The following ARHGAP32 variants were observed in gnomAD, a reference collection of about 807,000 sequenced individuals.
ARHGAP32 encodes Rho GTPase activating protein 32.
Under a neutral mutation model 186.5 loss-of-function variants are expected in ARHGAP32, and 51 were observed. The ratio of observed to expected loss-of-function variants is 0.27; its 90% CI spans 0.22 to 0.35. ARHGAP32 has a LOEUF of 0.35. Ranked by LOEUF, ARHGAP32 falls within the 10% of genes least tolerant of loss-of-function variation. The pLI is 1.00. For synonymous variants in ARHGAP32, 950 were observed against 964.3 expected, an observed-to-expected ratio of 0.99 and a Z score of 0.27; for missense variants, 2,186 against 2,623.5, an observed-to-expected ratio of 0.83 and a Z score of 3.64.
intron 5 of ARHGAP32, among the ~76,000 whole-genome samples, chr11:129,122,617 A>G (rs961334950): frequency 1.3e-5 from 2 of 152,124 alleles, no homozygotes; most frequent in Non-Finnish European, 2.9e-5. Flanking sequence ...TGAAATAGAA[A>G]TGTCCTTCAC....
At chr11:129,195,048 CA>C (rs1479578304), upstream of ARHGAP32, among the ~76,000 whole-genome samples, 9 of 151,848 alleles carry the variant, frequency 5.9e-5, no homozygotes, top group African/African-American at 2.2e-4. Flanking sequence ...CGACTCACTG[CA>C]ACCTCCACCT....
At chr11:129,064,762 T>C in intron 8 of ARHGAP32, 79 bp downstream of exon 8, 3 of 1,138,448 alleles carry the variant, frequency 2.6e-6, no homozygotes, top group Non-Finnish European at 3.8e-6. Context: ...TCAATAGACA[T>C]CAAAATTATG....
In ARHGAP32 at chr11:129,208,001, G is replaced by C. The variant is rs544179914; in HGVS notation, c.-4-43574C>G. ...CTCCCACACAATCCACTAAGAAGAA[G>C]GGCATTACCTGCACACAACTGAACA... On this transcript the variant is annotated intron_variant, in intron 1 of 6. Coordinates refer to the ARHGAP32 transcript ENST00000525234. 7.9e-5 allele frequency among the ~76,000 whole-genome samples: 12 copies of C among 152,154 alleles called. 2 individuals are homozygous for C. The South Asian group carries it at 2.3e-3, about 29-fold the overall frequency.
intron 12 of ARHGAP32, among the ~76,000 whole-genome samples, chr11:128,989,981 A>T (rs1486472667): frequency 6.6e-6 from 1 of 152,144 alleles, no homozygotes; most frequent in Non-Finnish European, 1.5e-5. Context: ...GACTACTGCA[A>T]TATACTGCCT....
intron 5 of ARHGAP32, among the ~76,000 whole-genome samples, chr11:129,096,504 G>A (rs1941732246): frequency 6.6e-6 from 1 of 152,064 alleles, no homozygotes; most frequent in South Asian, 2.1e-4. Flanking sequence ...ACTTAAGAAA[G>A]TAACAGCTCC....
At chr11:129,172,781 G>A (rs1051102452) in intron 1 of ARHGAP32, among the ~76,000 whole-genome samples, 2 of 152,030 alleles carry the variant, frequency 1.3e-5, no homozygotes, top group African/African-American at 4.8e-5. Context: ...AGAATCTCTG[G>A]GACACAGCTA....
At chr11:129,238,756 A>AACACACACACACACACAC (rs71057936) in intron 1 of ARHGAP32, among the ~76,000 whole-genome samples, 227 of 148,382 alleles carry the variant, frequency 1.5e-3, no homozygotes, top group African/African-American at 5.2e-3. Context: ...ACTTATTTTA[A>AACACACACACACACACAC]ACACACACAC....
intron 11 of ARHGAP32, among the ~76,000 whole-genome samples, chr11:129,037,526 C>A (rs1402312253): frequency 4.0e-5 from 6 of 151,820 alleles, no homozygotes; most frequent in Non-Finnish European, 7.4e-5. Context: ...AAAAGAATAT[C>A]TAAATAAATG....
At chr11:129,005,275 ACTT>A (rs1409381302) in intron 11 of ARHGAP32, among the ~76,000 whole-genome samples, 2 of 152,146 alleles carry the variant, frequency 1.3e-5, no homozygotes, top group African/African-American at 4.8e-5. Flanking sequence ...TTAGTCTTCT[ACTT>A]AAGAGCAGTT....
chr11:129,105,251 AGT>A (rs1942016493), intron 5 of ARHGAP32, among the ~76,000 whole-genome samples: 1 of 152,212 alleles, frequency 6.6e-6, no homozygotes, highest in Non-Finnish European at 1.5e-5. Context: ...AGCATTCAAA[AGT>A]GCCTGGGTAT....
intron 1 of ARHGAP32, among the ~76,000 whole-genome samples, chr11:129,206,236 T>C (rs1195055033): frequency 6.6e-6 from 1 of 152,024 alleles, no homozygotes; most frequent in African/African-American, 2.4e-5. Flanking sequence ...TACTGAAACA[T>C]GGTCTCACTC....
intron 6 of ARHGAP32, among the ~76,000 whole-genome samples, chr11:129,079,250 C>A (rs1941148820): frequency 1.3e-5 from 2 of 152,126 alleles, no homozygotes; most frequent in African/African-American, 4.8e-5. Context: ...CAAACATAAG[C>A]TCAAAGAACA....
chr11:129,165,404 G>A (rs1262758629), intron 1 of ARHGAP32, among the ~76,000 whole-genome samples: 1 of 151,734 alleles, frequency 6.6e-6, no homozygotes, highest in Non-Finnish European at 1.5e-5. Context: ...AAAAAGCCAT[G>A]CCTTAAGAGT....
intron 1 of ARHGAP32, among the ~76,000 whole-genome samples, chr11:129,214,263 A>G (rs1156579646): frequency 6.6e-6 from 1 of 152,230 alleles, no homozygotes; most frequent in Admixed American, 6.5e-5. Context: ...ACTTCAGTTA[A>G]CAATAATATA....
chr11:129,111,091 G>A (rs1390684786), intron 5 of ARHGAP32, among the ~76,000 whole-genome samples: 6 of 152,114 alleles, frequency 3.9e-5, no homozygotes, highest in Admixed American at 6.6e-5. Flanking sequence ...TTATGTTGAA[G>A]TATGTTCCTT....
chr11:129,206,784 T>C (rs1944520149), intron 1 of ARHGAP32, among the ~76,000 whole-genome samples: 1 of 151,988 alleles, frequency 6.6e-6, no homozygotes, highest in Non-Finnish European at 1.5e-5. Flanking sequence ...CTTTAAGTTC[T>C]GGGGTACATG....
At chr11:129,090,393 A>C (rs1941540433) in intron 6 of ARHGAP32, among the ~76,000 whole-genome samples, 1 of 152,216 alleles carries the variant, frequency 6.6e-6, no homozygotes, top group South Asian at 2.1e-4. Context: ...ATTACTGTAT[A>C]TATTTATAAA....
At chr11:129,239,952 G>A (rs1444050766) in intron 1 of ARHGAP32, among the ~76,000 whole-genome samples, 1 of 152,118 alleles carries the variant, frequency 6.6e-6, no homozygotes, top group Non-Finnish European at 1.5e-5. Flanking sequence ...AAATTCTAAG[G>A]CAGGAACTGT....
intron 11 of ARHGAP32, among the ~76,000 whole-genome samples, chr11:129,019,179 C>G (rs558743602): frequency 6.6e-6 from 1 of 152,282 alleles, no homozygotes; most frequent in South Asian, 2.1e-4. Flanking sequence ...GCTCTGCCCT[C>G]TCTCTGGCAC....
Sources: gnomAD v4.1 joint callset for allele counts (sites outside exome capture counted in the v4.1 genomes callset) on GRCh38, gnomAD v4.1.1 for gene constraint, MANE v1.5 for transcripts, NCBI Gene and HGNC (gene_info 2026-07-23, HGNC 2026-07-21) for gene names.